The following CRHR1 variants were observed in gnomAD, a reference collection of about 807,000 sequenced individuals.
CRHR1 encodes corticotropin-releasing hormone receptor 1.
Under a neutral mutation model 56.0 loss-of-function variants are expected in CRHR1, and 28 were observed. The observed-to-expected ratio is 0.50, with a 90% confidence interval of 0.37 to 0.69. The LOEUF is 0.69. Ranked by LOEUF, CRHR1 falls within the 30% of genes least tolerant of loss-of-function variation. The probability of loss-of-function intolerance (pLI) is 0.00; values close to 1 mark genes in which losing one functional copy is unlikely to be tolerated. For synonymous variants in CRHR1, 195 were observed against 216.5 expected (o/e 0.90, Z 0.87); for missense variants, 376 against 548.0 (o/e 0.69, Z 3.13).
At chr17:45,810,086 C>G (rs2061792619) in intron 2 of CRHR1, among the ~76,000 whole-genome samples, 1 of 152,036 alleles carries the variant, frequency 6.6e-6, no homozygotes, top group Non-Finnish European at 1.5e-5. Flanking sequence ...TCGAGACCAG[C>G]CTGGCCAACA....
At chr17:45,833,938 A>AGGGGCAGCCCAGAGGCTGGG (rs2062378565) in intron 11 of CRHR1, 69 bp from the exon 12 acceptor site, 1 of 1,612,980 alleles carries the variant, frequency 6.2e-7, no homozygotes, top group Non-Finnish European at 8.5e-7. Flanking sequence ...GGGAGAAGCA[A>AGGGGCAGCCCAGAGGCTGGG]GGGGCAGCCC....
intron 1 of CRHR1, among the ~76,000 whole-genome samples, chr17:45,785,575 A>G (rs916253932): frequency 7.2e-5 from 11 of 152,230 alleles, no homozygotes; most frequent in Admixed American, 7.2e-4. Flanking sequence ...CCAGCCACAA[A>G]CATAGACACC....
At chr17:45,826,531 G>A (rs1416784312) in intron 4 of CRHR1, 4 of 152,292 alleles carry the variant, frequency 2.6e-5, no homozygotes, top group Admixed American at 2.0e-4. Flanking sequence ...CCCGGGAATG[G>A]TTTGGCCTGA....
chr17:45,804,516 G>A (rs2061684600), intron 1 of CRHR1, among the ~76,000 whole-genome samples: 1 of 152,090 alleles, frequency 6.6e-6, no homozygotes, highest in African/African-American at 2.4e-5. Context: ...GACTGGGAGG[G>A]AGTGGGTACC....
chr17:45,814,604 C>T lies in CRHR1; in HGVS notation c.122-1859C>T, dbSNP rs542827294. Among the ~76,000 whole-genome samples, 8 of 152,322 alleles carry T rather than the reference C, an allele frequency of 5.3e-5. No individual in the cohort carries two copies. In the East Asian group the frequency reaches 1.5e-3, roughly 29 times the overall value. ...CAGGGCATGGCCTCTATACGATCCTCCCCTCCCCGCGGCCACATGCCCCCA... is the reference window on the plus strand; with the variant it reads ...CAGGGCATGGCCTCTATACGATCCTTCCCTCCCCGCGGCCACATGCCCCCA... On this transcript the variant is annotated intron_variant, in intron 2 of 12. Transcript: ENST00000314537.
At chr17:45,792,566 C>T (rs543339962) in intron 1 of CRHR1, among the ~76,000 whole-genome samples, 2 of 152,178 alleles carry the variant, frequency 1.3e-5, no homozygotes, top group Non-Finnish European at 2.9e-5. Flanking sequence ...CTTACAGGAG[C>T]TTCTGCCCCC....
chr17:45,787,946 G>A (rs1475507403), intron 1 of CRHR1, among the ~76,000 whole-genome samples: 3 of 152,246 alleles, frequency 2.0e-5, no homozygotes, highest in African/African-American at 7.2e-5. Context: ...GCCAGGCCAA[G>A]CCCCTTGGAT....
intron 8 of CRHR1, among the ~76,000 whole-genome samples, chr17:45,831,779 T>G (rs946822313): frequency 6.6e-5 from 10 of 152,298 alleles, no homozygotes; most frequent in African/African-American, 2.4e-4. Context: ...GCCAAACAAG[T>G]GTTCCCGGGA....
chr17:45,833,154 A>G lies in CRHR1; in HGVS notation c.787A>G (p.Arg263Gly). 6.2e-7 allele frequency: 1 copy of G among 1,614,002 alleles called. No homozygotes were observed. The highest frequency in any genetic ancestry group is 8.5e-7 in the Non-Finnish European group (1 of 1,179,970). ...GCCTTCTAGGTGCTGGTTTGGCAAA[A>G]GGCCTGGGGTGTACACCGACTACAT... is the stretch of plus-strand genomic sequence containing the variant. ...YDNEKCWFGK[R>G]PGVYTDYIYQ... Residue 263 changes from arginine (R) to glycine (G), a missense_variant, in exon 9 of 13, where the codon AGG (arginine) becomes GGG (glycine). Physicochemically the swap from Arg to Gly is moderately radical, Grantham distance 125. This residue lies in a region of CRHR1 where 369 missense variants were observed against 519.5 expected (regional missense o/e 0.71). Transcript: ENST00000314537.
At position 45,816,024 on chromosome 17, in the gene CRHR1, C is replaced by T. The variant is rs574502770; in HGVS notation, c.122-439C>T. On this transcript the variant is annotated intron_variant, in intron 2 of 12. Transcript: ENST00000314537. ...GGTAGATGTGGTTTGATTGCAGAGA[C>T]GTGAGGGGCTAGGTCAATGATTGGA... Among the ~76,000 whole-genome samples, 4 of 152,294 alleles carry T rather than the reference C, an allele frequency of 2.6e-5. No homozygotes were observed. The East Asian group carries it at 5.8e-4, about 22-fold the overall frequency.
intron 1 of CRHR1, among the ~76,000 whole-genome samples, chr17:45,797,965 A>C (rs937988543): frequency 6.6e-6 from 1 of 152,114 alleles, no homozygotes; most frequent in African/African-American, 2.4e-5. Context: ...TTTTTCCTCT[A>C]GCACATCCTT....
chr17:45,829,698 A>T (rs1447531330), intron 5 of CRHR1: 8 of 1,511,694 alleles, frequency 5.3e-6, no homozygotes, highest in African/African-American at 1.4e-5. Context: ...AGAGCCGGGG[A>T]TGGGGATGGT....
chr17:45,821,284 C>A, intron 3 of CRHR1, 71 bp from the exon 4 acceptor site: 1 of 1,355,750 alleles, frequency 7.4e-7, no homozygotes, highest in Non-Finnish European at 1.1e-6. Context: ...TCTACGCATC[C>A]ATCTGGGCCA....
At position 45,829,237 on chromosome 17, in the gene CRHR1, A is replaced by G. The variant is rs766888373; in HGVS notation, c.350A>G (p.His117Arg). 6.2e-7 allele frequency: 1 copy of G among 1,614,042 alleles called. No individual in the cohort carries two copies. Among genetic ancestry groups the G allele is most frequent in the Non-Finnish European group, 8.5e-7 (1 of 1,180,006 alleles). The change falls in exon 5 of 13, where the codon CAT (histidine) becomes CGT (arginine). Residue 117 changes from histidine (H) to arginine (R), a missense_variant. Physicochemically the swap from His to Arg is conservative, Grantham distance 29. Around this residue, in one of 2 missense-constraint regions of CRHR1, gnomAD observed 369 missense variants for 519.5 expected, o/e 0.71. Coordinates refer to ENST00000314537, the MANE Select transcript of CRHR1 (RefSeq NM_004382.5). ...CAGAAAAAAAGCAAGGTGCACTACC[A>G]TGTCGCAGTCATCATCAACTACCTG... ...NEEKKSKVHYHVAVIINYLGH... is the reference protein window; with the variant it reads ...NEEKKSKVHYRVAVIINYLGH...
chr17:45,829,557 C>T (rs2062245454), intron 5 of CRHR1: 1 of 1,548,448 alleles, frequency 6.5e-7, no homozygotes, highest in Non-Finnish European at 8.7e-7. Flanking sequence ...TCACCCATAC[C>T]CAGGCCAGGC....
chr17:45,789,201 T>G (rs1187661169), intron 1 of CRHR1, among the ~76,000 whole-genome samples: 1 of 152,178 alleles, frequency 6.6e-6, no homozygotes, highest in African/African-American at 2.4e-5. Context: ...CAGCTCTGAT[T>G]CTACCCTAAC....
intron 1 of CRHR1, among the ~76,000 whole-genome samples, chr17:45,789,453 C>T (rs1773232897): frequency 6.6e-6 from 1 of 151,746 alleles, no homozygotes; most frequent in African/African-American, 2.4e-5. Context: ...CTCACTGCAG[C>T]GTCAACCTTG....
chr17:45,813,688 A>G (rs2061870464), intron 2 of CRHR1, among the ~76,000 whole-genome samples: 1 of 152,256 alleles, frequency 6.6e-6, no homozygotes, highest in Non-Finnish European at 1.5e-5. Context: ...AAAGATGAGC[A>G]TTGAAAATCC....
Position 45,830,402 on chromosome 17 carries a change from G to T in CRHR1, c.556-15G>T, listed in dbSNP as rs765141917. On this transcript the variant is annotated splice_polypyrimidine_tract_variant and intron_variant, in intron 6 of 12. Transcript: ENST00000314537. ...TGCCCCCCATCATCATCTCTGGTTG[G>T]GGGTGGGGTGGCAGGGCTGGTGCAG... 4.4e-6 allele frequency: 7 copies of T among 1,598,306 alleles called. No homozygotes were observed. The highest frequency in any genetic ancestry group is 1.7e-4 in the Middle Eastern group (1 of 5,992).
Sources: gnomAD v4.1 joint callset for allele counts (sites outside exome capture counted in the v4.1 genomes callset) on GRCh38, gnomAD v4.1.1 for gene constraint, gnomAD v4.1.1 regional missense constraint, MANE v1.5 for transcripts, NCBI Gene and HGNC (gene_info 2026-07-23, HGNC 2026-07-21) for gene names.